The following RABAC1 variants were observed in gnomAD, a reference collection of about 807,000 sequenced individuals.
RABAC1 encodes the protein prenylated Rab acceptor protein 1.
In RABAC1, 16 loss-of-function variants were observed where a neutral mutation model predicts 22.9. The ratio of observed to expected loss-of-function variants is 0.70; its 90% CI spans 0.47 to 1.06. The LOEUF is 1.06. Ranked by LOEUF, RABAC1 falls within the 50% of genes least tolerant of loss-of-function variation. The probability of loss-of-function intolerance (pLI) is 0.00; values close to 1 mark genes in which losing one functional copy is unlikely to be tolerated. For synonymous variants in RABAC1, 139 were observed against 107.7 expected, an observed-to-expected ratio of 1.29 and a Z score of -1.80; for missense variants, 227 against 246.5, an observed-to-expected ratio of 0.92 and a Z score of 0.53.
intron 3 of RABAC1, 55 bp downstream of exon 3, chr19:41,958,231 C>T: frequency 2.0e-6 from 3 of 1,524,182 alleles, no homozygotes; most frequent in South Asian, 2.3e-5. Context: ...TGTCTGCATT[C>T]CAAAAGACCA....
intron 3 of RABAC1, chr19:41,957,771 G>A (rs1323472461): frequency 6.3e-6 from 1 of 159,996 alleles, no homozygotes; most frequent in Admixed American, 5.9e-5. Context: ...TCCCCTGGGG[G>A]GAATTTCCCC....
At position 41,958,955 on chromosome 19, in the gene RABAC1, G is replaced by C. The variant is rs2075003155; in HGVS notation, c.57-7C>G. The C allele has an allele frequency of 6.4e-7, 1 of 1,559,042 alleles. No homozygotes were observed. Among genetic ancestry groups the C allele is most frequent in the South Asian group, 1.2e-5 (1 of 86,444 alleles). ...CAGCTTCGGCAGCAGGGTCCTGCGG[G>C]GGGTGGGGCCGGGTCAGTGGTGGAC... On this transcript the variant is annotated splice_region_variant and splice_polypyrimidine_tract_variant and intron_variant, in intron 1 of 4. Coordinates refer to ENST00000222008, the MANE Select transcript of RABAC1 (RefSeq NM_006423.3).
In RABAC1 at chr19:41,958,869, T is replaced by C; in HGVS notation, c.136A>G (p.Ser46Gly). 1 of 1,604,948 alleles carries C rather than the reference T, an allele frequency of 6.2e-7. No individual in the cohort carries two copies. The highest frequency in any genetic ancestry group is 8.5e-7 in the Non-Finnish European group (1 of 1,178,674). ...AAGCGCTGCTGGTCCACGAAGGTGCTCCAGGGCCGGATGGTCGCGCGGCGC... is the reference window on the plus strand; with the variant it reads ...AAGCGCTGCTGGTCCACGAAGGTGCCCCAGGGCCGGATGGTCGCGCGGCGC... The part of the protein sequence containing the change: ...ERRRATIRPW[S>G]TFVDQQRFSR... The change falls in exon 2 of 5, where the codon AGC (serine) becomes GGC (glycine). Residue 46 changes from serine to glycine, a missense_variant. Transcript: ENST00000222008.
At chr19:41,958,615 G>T in intron 2 of RABAC1, 121 bp downstream of exon 2, 2 of 1,160,480 alleles carry the variant, frequency 1.7e-6, no homozygotes, top group South Asian at 1.5e-5. Flanking sequence ...CCTGGGCGGT[G>T]AGAAGAGGGC....
Position 41,959,320 on chromosome 19 carries a change from G to A in RABAC1, c.-28C>T, listed in dbSNP as rs1479767964. ...CTGCGTCGTGAGGGGTAGAGCTGCT[G>A]TAACCAGCCCGGTACCCTGAAGACC... On this transcript the variant is annotated 5_prime_UTR_variant, in exon 1 of 5. Coordinates refer to ENST00000222008, the MANE Select transcript of RABAC1 (RefSeq NM_006423.3). 1 of 1,613,126 alleles carries A rather than the reference G, an allele frequency of 6.2e-7. No individual in the cohort carries two copies. Among genetic ancestry groups the A allele is most frequent in the Non-Finnish European group, 8.5e-7 (1 of 1,179,808 alleles).
intron 2 of RABAC1, 114 bp downstream of exon 2, chr19:41,958,622 G>A (rs879948143): frequency 8.6e-5 from 103 of 1,202,548 alleles, no homozygotes; most frequent in Non-Finnish European, 1.2e-4. Flanking sequence ...GGTGAGAAGA[G>A]GGCCCTGGGC....
intron 1 of RABAC1, 73 bp from the exon 2 acceptor site, chr19:41,959,021 G>T: frequency 6.9e-7 from 1 of 1,445,510 alleles, no homozygotes; most frequent in Non-Finnish European, 9.2e-7. Flanking sequence ...AGGGGACTAA[G>T]GGTGCCTGGA....
At chr19:41,958,617 G>GA (rs2075000833) in intron 2 of RABAC1, 119 bp downstream of exon 2, 4 of 1,180,678 alleles carry the variant, frequency 3.4e-6, no homozygotes, top group Non-Finnish European at 4.8e-6. Flanking sequence ...TGGGCGGTGA[G>GA]AAGAGGGCCC....
In RABAC1 at chr19:41,958,887, C is replaced by T; in HGVS notation, c.118G>A (p.Ala40Thr). 2 of 1,596,384 alleles carry T rather than the reference C, an allele frequency of 1.3e-6. No individual in the cohort carries two copies. The highest frequency in any genetic ancestry group is 1.7e-4 in the Middle Eastern group (1 of 6,016). The change falls in exon 2 of 5, where the codon GCG (alanine) becomes ACG (threonine). Residue 40 changes from alanine (A) to threonine (T), a missense_variant. Coordinates refer to ENST00000222008, the MANE Select transcript of RABAC1 (RefSeq NM_006423.3). ...AGREWLERRR[A>T]TIRPWSTFVD... ...AAGGTGCTCCAGGGCCGGATGGTCG[C>T]GCGGCGCCGCTCCAGCCACTCCCGG...
chr19:41,957,075 T>C lies in RABAC1; in HGVS notation c.412A>G (p.Ile138Val). ...GCCAGCCAGAAGAAGGGGAAGGAGA[T>C]GCCTCCAGCCAGAGCATACTGATGC... ...PAHQYALAGG[I>V]SFPFFWLAGA... Residue 138 changes from isoleucine (I) to valine (V), a missense_variant, in exon 4 of 5, where the codon ATC (isoleucine) becomes GTC (valine). Transcript: ENST00000222008. 6.2e-7 allele frequency: 1 copy of C among 1,613,822 alleles called. No individual in the cohort carries two copies. The highest frequency in any genetic ancestry group is 8.5e-7 in the Non-Finnish European group (1 of 1,180,002).
intron 2 of RABAC1, 112 bp from the exon 3 acceptor site, chr19:41,958,495 G>A: frequency 1.8e-6 from 2 of 1,090,196 alleles, no homozygotes; most frequent in South Asian, 1.4e-5. Flanking sequence ...GACCAGGGAG[G>A]GCCAGGTGAC....
rs1391036179 is a variant in RABAC1 at position 41,958,747 on chromosome 19, G to A, written c.258C>T (p.Ile86=). The change falls in exon 2 of 5, where the codon ATC becomes ATT. Residue 86 remains isoleucine, a synonymous_variant. Coordinates refer to ENST00000222008, the MANE Select transcript of RABAC1 (RefSeq NM_006423.3). The part of the protein sequence containing the change: ...SNYVFVFLGL[I]LYCVVTSPML... Reference sequence around the variant, plus strand: ...CGGGAGGCACTCACACACAGTACAGGATGAGGCCCAGGAACACGAACACAT... The same window carrying A: ...CGGGAGGCACTCACACACAGTACAGAATGAGGCCCAGGAACACGAACACAT... 2.4e-5 allele frequency: 39 copies of A among 1,612,860 alleles called. No homozygotes were observed. Among genetic ancestry groups the A allele is most frequent in the Non-Finnish European group, 3.3e-5 (39 of 1,179,632 alleles).
Position 41,957,120 on chromosome 19 carries a change from C to G in RABAC1, c.368-1G>C. The G allele has an allele frequency of 6.2e-7, 1 of 1,613,266 alleles. No homozygotes were observed. The highest frequency in any genetic ancestry group is 1.1e-5 in the South Asian group (1 of 91,052). On this transcript the variant is annotated splice_acceptor_variant, in intron 3 of 4. Coordinates refer to ENST00000222008, the MANE Select transcript of RABAC1 (RefSeq NM_006423.3). LOFTEE classifies it high-confidence loss of function. ...TGATGCGCTGGGCTCACCTCTCGGC[C>G]TGGGGGCAGATGGCATTGGGGTGCT...
intron 2 of RABAC1, 128 bp downstream of exon 2, chr19:41,958,608 G>C (rs1405898090): frequency 9.1e-7 from 1 of 1,102,194 alleles, no homozygotes; most frequent in Non-Finnish European, 1.3e-6. Flanking sequence ...GGCGGGGCCT[G>C]GGCGGTGAGA....
rs1050725474 is a variant in RABAC1 at position 41,958,648 on chromosome 19, C to T, written c.269+88G>A. 5.7e-5 allele frequency: 79 copies of T among 1,397,668 alleles called. 1 individual carries two copies. In the Admixed American group the frequency reaches 1.6e-3, roughly 29 times the overall value. The allele number at this position is 1,397,668 out of a possible 1,614,324, so 86.6% of individuals were successfully genotyped here. On this transcript the variant is annotated intron_variant, in intron 2 of 4. Coordinates refer to ENST00000222008, the MANE Select transcript of RABAC1 (RefSeq NM_006423.3). ...GGCCCTGGGCGGTGAGAGGAGGGAC[C>T]GGGCGGTGAAGGGCGGGGCCTGAGC...
At chr19:41,958,467 G>T in intron 2 of RABAC1, 84 bp from the exon 3 acceptor site, 5 of 1,323,074 alleles carry the variant, frequency 3.8e-6, no homozygotes, top group Non-Finnish European at 5.3e-6. Flanking sequence ...ACCGGCGGGC[G>T]GCAAGCTACA....
intron 2 of RABAC1, 114 bp from the exon 3 acceptor site, chr19:41,958,497 C>G (rs1368236398): frequency 3.7e-6 from 4 of 1,075,474 alleles, no homozygotes; most frequent in African/African-American, 1.6e-5. Context: ...CCAGGGAGGG[C>G]CAGGTGACAT....
At chr19:41,958,540 T>TG (rs1555857027) in intron 2 of RABAC1, among the ~76,000 whole-genome samples, 157 bp from the exon 3 acceptor site, 1 of 151,838 alleles carries the variant, frequency 6.6e-6, no homozygotes. Context: ...AGGGTGATGG[T>TG]GGGGTAGGGG....
chr19:41,958,468 G>GCA (rs2075000104), intron 2 of RABAC1, 85 bp from the exon 3 acceptor site: 2 of 1,310,984 alleles, frequency 1.5e-6, no homozygotes, highest in South Asian at 1.2e-5. Context: ...CCGGCGGGCG[G>GCA]CAAGCTACAT....
Sources: gnomAD v4.1 joint callset for allele counts (sites outside exome capture counted in the v4.1 genomes callset) on GRCh38, gnomAD v4.1.1 for gene constraint, MANE v1.5 for transcripts, NCBI Gene and HGNC (gene_info 2026-07-23, HGNC 2026-07-21) for gene names.